ZNF727: variants seen among roughly 807,000 people sequenced by gnomAD.
The protein encoded by ZNF727 is putative zinc finger protein 727.
ZNF727 carries 11 observed loss-of-function variants against 11.5 expected under a neutral mutation model. That is an observed-to-expected ratio of 0.95 (90% CI 0.60 to 1.58). The LOEUF is 1.58. ZNF727 is among the 40% of genes most tolerant of loss of function. ZNF727 has a pLI of 0.00. For missense variants in ZNF727, 533 were observed against 581.7 expected (o/e 0.92, Z 0.86); for synonymous variants, 171 against 196.1 (o/e 0.87, Z 1.07).
chr7:64,046,007 T>C (rs1338157937), intron 1 of ZNF727, among the ~76,000 whole-genome samples: 1 of 152,012 alleles, frequency 6.6e-6, no homozygotes, highest in African/African-American at 2.4e-5. Context: ...CTTTTAAAAA[T>C]TGTGGCTTAT....
intron 1 of ZNF727, among the ~76,000 whole-genome samples, chr7:64,053,424 G>A (rs1030666493): frequency 6.6e-6 from 1 of 152,062 alleles, no homozygotes; most frequent in African/African-American, 2.4e-5. Context: ...GGGTTCAAGC[G>A]ATTCTCCTGC....
chr7:64,069,819 GTGT>G (rs1562795849), intron 3 of ZNF727, among the ~76,000 whole-genome samples: 1 of 152,018 alleles, frequency 6.6e-6, no homozygotes, highest in African/African-American at 2.4e-5. Flanking sequence ...TCAGTAATGT[GTGT>G]TGTTGTTGCT....
chr7:64,056,459 T>C (rs543255524), intron 1 of ZNF727, among the ~76,000 whole-genome samples: 4 of 152,308 alleles, frequency 2.6e-5, no homozygotes, highest in Admixed American at 1.3e-4. Context: ...CTGAAACTTA[T>C]CCCAACAATT....
Position 64,079,796 on chromosome 7 carries a change from T to C in ZNF727, c.*1247T>C, listed in dbSNP as rs1201205455. Among the ~76,000 whole-genome samples the C allele has an allele frequency of 6.6e-6, 1 of 152,164 alleles. No individual in the cohort carries two copies. Among genetic ancestry groups the C allele is most frequent in the Non-Finnish European group, 1.5e-5 (1 of 67,998 alleles). On this transcript the variant is annotated 3_prime_UTR_variant, in exon 4 of 4. Transcript: ENST00000456806. ...TTAGTGTGTTTTTGTAGTGACTGTTTATAGTCTTTTTCTTATTTAGGGCTT... is the reference window on the plus strand; with the variant it reads ...TTAGTGTGTTTTTGTAGTGACTGTTCATAGTCTTTTTCTTATTTAGGGCTT...
chr7:64,049,588 C>T lies in ZNF727; in HGVS notation c.3+3964C>T, dbSNP rs1401831869. On this transcript the variant is annotated intron_variant, in intron 1 of 3. Coordinates refer to ENST00000456806, the MANE Select transcript of ZNF727 (RefSeq NM_001159522.3). ...TTTTAACTATTAGTCATGTAGTAAACATTTAGAAATATATATTTTATAATT... is the reference window on the plus strand; with the variant it reads ...TTTTAACTATTAGTCATGTAGTAAATATTTAGAAATATATATTTTATAATT... 1.3e-4 allele frequency among the ~76,000 whole-genome samples: 20 copies of T among 151,870 alleles called. No homozygotes were observed. The East Asian group carries it at 3.9e-3, about 29-fold the overall frequency.
At position 64,082,213 on chromosome 7, in the gene ZNF727, C is replaced by T. The variant is rs113182730; in HGVS notation, c.*3664C>T. Among the ~76,000 whole-genome samples, 66 of 152,228 alleles carry T rather than the reference C, an allele frequency of 4.3e-4. No homozygotes were observed. The highest frequency in any genetic ancestry group is 3.4e-4 in the African/African-American group (14 of 41,534). On this transcript the variant is annotated 3_prime_UTR_variant, in exon 4 of 4. Coordinates refer to ENST00000456806, the MANE Select transcript of ZNF727 (RefSeq NM_001159522.3). ...CTTGGAGGCTCTGTCTAGGGAGTTG[C>T]GAAGTTGCTACTGGCTCAATAGCTC...
intron 1 of ZNF727, among the ~76,000 whole-genome samples, chr7:64,053,356 T>A (rs1318042976): frequency 6.6e-6 from 1 of 152,192 alleles, no homozygotes; most frequent in Non-Finnish European, 1.5e-5. Context: ...AATCTCACTC[T>A]GTCCCCCAGG....
chr7:64,052,482 A>C (rs1789616420), intron 1 of ZNF727, among the ~76,000 whole-genome samples: 1 of 150,434 alleles, frequency 6.6e-6, no homozygotes, highest in Non-Finnish European at 1.5e-5. Flanking sequence ...CAGATTGCGC[A>C]GGCAGAAGTT....
In ZNF727 at chr7:64,082,482, T is replaced by C. The variant is rs1785808551; in HGVS notation, c.*3933T>C. ...CTAAGAGCTCCATCTAAGGGAGGTATAGACCGGTTTCCAGCCCCAAAGCAA... is the reference window on the plus strand; with the variant it reads ...CTAAGAGCTCCATCTAAGGGAGGTACAGACCGGTTTCCAGCCCCAAAGCAA... On this transcript the variant is annotated 3_prime_UTR_variant, in exon 4 of 4. Transcript: ENST00000456806. Among the ~76,000 whole-genome samples the C allele has an allele frequency of 6.6e-6, 1 of 152,182 alleles. No individual in the cohort carries two copies. The highest frequency in any genetic ancestry group is 2.4e-5 in the African/African-American group (1 of 41,434).
chr7:64,059,282 T>G (rs1354810496), intron 1 of ZNF727, among the ~76,000 whole-genome samples: 1 of 152,052 alleles, frequency 6.6e-6, no homozygotes, highest in Non-Finnish European at 1.5e-5. Context: ...TTAAATACAC[T>G]CTTAGGTTGA....
chr7:64,051,583 T>C (rs919982389), intron 1 of ZNF727, among the ~76,000 whole-genome samples: 25 of 152,222 alleles, frequency 1.6e-4, no homozygotes, highest in African/African-American at 5.8e-4. Flanking sequence ...GTAATGTTTT[T>C]TGCCTAAGCT....
At chr7:64,067,249 T>C (rs187202086) in intron 1 of ZNF727, among the ~76,000 whole-genome samples, 46 of 152,072 alleles carry the variant, frequency 3.0e-4, no homozygotes, top group Non-Finnish European at 5.3e-4. Flanking sequence ...GGAAACATGA[T>C]GGTGAGGATG....
intron 3 of ZNF727, among the ~76,000 whole-genome samples, chr7:64,071,199 A>T (rs1789957125): frequency 6.6e-6 from 1 of 152,078 alleles, no homozygotes; most frequent in Non-Finnish European, 1.5e-5. Flanking sequence ...ACTGGTTTTC[A>T]TAATGTCTCT....
chr7:64,062,134 TAAG>T (rs1789781423), intron 1 of ZNF727, among the ~76,000 whole-genome samples: 1 of 152,070 alleles, frequency 6.6e-6, no homozygotes, highest in South Asian at 2.1e-4. Context: ...GTTATGGCCT[TAAG>T]GAGGTAGAGA....
intron 3 of ZNF727, among the ~76,000 whole-genome samples, chr7:64,073,583 G>A (rs1789996871): frequency 6.6e-6 from 1 of 151,732 alleles, no homozygotes; most frequent in African/African-American, 2.4e-5. Context: ...AGTGGGGTAC[G>A]TTTTCTGTCT....
chr7:64,060,449 T>G (rs1789752242), intron 1 of ZNF727, among the ~76,000 whole-genome samples: 1 of 152,132 alleles, frequency 6.6e-6, no homozygotes, highest in Admixed American at 6.6e-5. Flanking sequence ...TGCCTATTTG[T>G]GATACACAGT....
rs1785754195 is a variant in ZNF727 at position 64,079,794 on chromosome 7, T to TGTG, written c.*1245_*1246insGTG. 1.3e-5 allele frequency among the ~76,000 whole-genome samples: 2 copies of TGTG among 152,156 alleles called. No homozygotes were observed. The highest frequency in any genetic ancestry group is 4.8e-5 in the African/African-American group (2 of 41,456). On this transcript the variant is annotated 3_prime_UTR_variant, in exon 4 of 4. Transcript: ENST00000456806. ...CTTTAGTGTGTTTTTGTAGTGACTG[T>TGTG]TTATAGTCTTTTTCTTATTTAGGGC...
intron 1 of ZNF727, among the ~76,000 whole-genome samples, chr7:64,063,385 A>G (rs1789807316): frequency 6.6e-6 from 1 of 152,174 alleles, no homozygotes; most frequent in Admixed American, 6.5e-5. Context: ...TTGTAGAGGT[A>G]CCACTTTGGT....
intron 1 of ZNF727, among the ~76,000 whole-genome samples, chr7:64,054,691 T>C (rs1209921280): frequency 6.6e-6 from 1 of 152,226 alleles, no homozygotes; most frequent in African/African-American, 2.4e-5. Flanking sequence ...GGATTGTCTG[T>C]TTTTTACAGC....
Sources: gnomAD v4.1 joint callset for allele counts (sites outside exome capture counted in the v4.1 genomes callset) on GRCh38, gnomAD v4.1.1 for gene constraint, MANE v1.5 for transcripts, NCBI Gene and HGNC (gene_info 2026-07-23, HGNC 2026-07-21) for gene names.